Variants in FSCN2 observed in about 807,000 individuals in gnomAD.
FSCN2 encodes the protein fascin-2.
A neutral mutation model predicts 37.8 loss-of-function variants in FSCN2; 46 were observed. The observed-to-expected ratio is 1.22, with a 90% confidence interval of 0.96 to 1.56. The LOEUF (loss-of-function observed/expected upper bound fraction) is 1.56, where lower values mean the gene tolerates loss of function less well. Ranked by LOEUF, FSCN2 falls within the 40% of genes most tolerant of loss-of-function variation. FSCN2 has a pLI of 0.00. For synonymous variants in FSCN2, 351 were observed against 309.4 expected (o/e 1.13, Z -1.41); for missense variants, 844 against 730.4 (o/e 1.16, Z -1.79).
At chr17:81,536,008 T>C in intron 2 of FSCN2, 138 bp from the exon 3 acceptor site, 2 of 1,048,020 alleles carry the variant, frequency 1.9e-6, no homozygotes, top group Admixed American at 4.6e-5. Context: ...TGGGGCAGGG[T>C]AGCGCCTGAT....
At chr17:81,516,009 TA>T in the FSCN2 span, among the ~76,000 whole-genome samples, 1 of 152,262 alleles carries the variant, frequency 6.6e-6, no homozygotes, top group South Asian at 2.1e-4. Flanking sequence ...CATGCCTGGC[TA>T]ATTTTTGCAT....
intron 1 of FSCN2, among the ~76,000 whole-genome samples, chr17:81,531,227 AATGGTGATGGTGGTGATGATGGTG>A (rs1568076878): frequency 2.5e-4 from 12 of 47,660 alleles, no homozygotes; most frequent in Non-Finnish European, 4.1e-4. Flanking sequence ...TGATGGTGAT[AATGGTGATGGTGGTGATGATGGTG>A]ATGGTGATGA....
chr17:81,533,346 G>A (rs2032757909), intron 1 of FSCN2, among the ~76,000 whole-genome samples: 1 of 152,200 alleles, frequency 6.6e-6, no homozygotes, highest in South Asian at 2.1e-4. Flanking sequence ...CAGTGACACT[G>A]ATCATCTCCT....
the FSCN2 span, among the ~76,000 whole-genome samples, chr17:81,518,053 G>A: frequency 3.9e-5 from 6 of 152,204 alleles, no homozygotes; most frequent in East Asian, 1.9e-4. Flanking sequence ...TCAAATCCCC[G>A]CTGCTCCCAA....
chr17:81,527,176 C>T (rs571370428), upstream of FSCN2: 2 of 152,744 alleles, frequency 1.3e-5, no homozygotes, highest in Admixed American at 1.3e-4. Context: ...AGCCCAGGCC[C>T]CTTGCTTTTG....
At chr17:81,531,273 GCGGTGGTGATGGTGA>G (rs1568076981) in intron 1 of FSCN2, among the ~76,000 whole-genome samples, 477 of 27,264 alleles carry the variant, frequency 0.017, 6 homozygotes, top group Admixed American at 0.032. Flanking sequence ...GGTGGTGATG[GCGGTGGTGATGGTGA>G]TGGTGGTGAT....
chr17:81,528,069 G>A (rs1258835578), upstream of FSCN2, among the ~76,000 whole-genome samples: 1 of 152,142 alleles, frequency 6.6e-6, no homozygotes, highest in African/African-American at 2.4e-5. Context: ...GGCTGGGCCG[G>A]GCCGGGCCGG....
At chr17:81,519,329 C>G in the FSCN2 span, among the ~76,000 whole-genome samples, 9 of 152,152 alleles carry the variant, frequency 5.9e-5, no homozygotes, top group Admixed American at 4.6e-4. Flanking sequence ...CCCCGGGACG[C>G]GGCACCGGGG....
chr17:81,535,791 C>G (rs956225248), intron 2 of FSCN2, among the ~76,000 whole-genome samples: 2 of 91,380 alleles, frequency 2.2e-5, no homozygotes, highest in Non-Finnish European at 4.6e-5. Context: ...CATCCTCATC[C>G]CCATCTCCAC....
chr17:81,535,737 C>T (rs142586527), intron 2 of FSCN2, among the ~76,000 whole-genome samples: 85 of 93,726 alleles, frequency 9.1e-4, no homozygotes, highest in Non-Finnish European at 1.5e-3. Context: ...CATTTACATC[C>T]CCATCCCCAT....
chr17:81,529,491 T>A lies in FSCN2; in HGVS notation c.826+134T>A, dbSNP rs549005333. On this transcript the variant is annotated intron_variant, in intron 1 of 4. Transcript: ENST00000417245. Reference sequence around the variant, plus strand: ...ATGTCTGTTCTGGGCTGGGGGTCCATGTGGGACATGTGTGGCCACTCAGGG... The same window carrying A: ...ATGTCTGTTCTGGGCTGGGGGTCCAAGTGGGACATGTGTGGCCACTCAGGG... 90 of 845,784 alleles carry A rather than the reference T, an allele frequency of 1.1e-4. 1 individual carries two copies. In the South Asian group the frequency reaches 1.2e-3, roughly 12 times the overall value. The allele number at this position is 845,784 out of a possible 1,614,324, so 52.4% of individuals were successfully genotyped here. A position where few individuals can be genotyped will look rare whatever the true frequency, so the allele number is the denominator to read the frequency against.
intron 1 of FSCN2, among the ~76,000 whole-genome samples, chr17:81,532,521 G>GTGACGATGGTGA (rs2032721807): frequency 7.6e-6 from 1 of 132,402 alleles, no homozygotes; most frequent in Non-Finnish European, 1.6e-5. Context: ...GGTGACGATG[G>GTGACGATGGTGA]TGATGATGAT....
chr17:81,525,898 C>T (rs1220252728), upstream of FSCN2, among the ~76,000 whole-genome samples: 3 of 152,126 alleles, frequency 2.0e-5, no homozygotes, highest in East Asian at 1.9e-4. Context: ...GGCTGGAATC[C>T]CTGTAAACGG....
At position 81,537,023 on chromosome 17, in the gene FSCN2, G is replaced by C. The variant is rs1315184895; in HGVS notation, c.1422G>C (p.Ser474=). ...RSGKYLRGGA[S]GLLRADADAP... is the part of the protein sequence containing the mutation. ...GCAAGTACCTGCGCGGCGGCGCCTC[G>C]GGCCTGCTGCGGGCCGATGCCGACG... Residue 474 remains serine, a synonymous_variant, in exon 5 of 5, where the codon TCG becomes TCC. Coordinates refer to ENST00000417245, the MANE Select transcript of FSCN2 (RefSeq NM_012418.4). 8.7e-6 allele frequency: 13 copies of C among 1,496,834 alleles called. No homozygotes were observed. Among genetic ancestry groups the C allele is most frequent in the Non-Finnish European group, 1.2e-5 (13 of 1,130,084 alleles). The allele number at this position is 1,496,834 out of a possible 1,614,324, so 92.7% of individuals were successfully genotyped here. A position where few individuals can be genotyped will look rare whatever the true frequency, so the allele number is the denominator to read the frequency against.
chr17:81,531,116 C>T (rs782676734), intron 1 of FSCN2, among the ~76,000 whole-genome samples: 25 of 148,856 alleles, frequency 1.7e-4, no homozygotes, highest in African/African-American at 3.7e-4. Flanking sequence ...GAGGTGAGGA[C>T]GGTGGTGACA....
chr17:81,531,726 G>GTGATGGTGATGATGGTGATGGTGA (rs2032625266), intron 1 of FSCN2, among the ~76,000 whole-genome samples: 1 of 109,204 alleles, frequency 9.2e-6, no homozygotes, highest in East Asian at 3.7e-4. Flanking sequence ...GGTGGTGATG[G>GTGATGGTGATGATGGTGATGGTGA]TGATGGTGAT....
At chr17:81,519,430 C>T in the FSCN2 span, among the ~76,000 whole-genome samples, 172 of 152,302 alleles carry the variant, frequency 1.1e-3, no homozygotes, top group Middle Eastern at 0.021. Context: ...ACCACGAGCT[C>T]GGAGGCCTGG....
the FSCN2 span, among the ~76,000 whole-genome samples, chr17:81,521,150 C>G: frequency 6.6e-6 from 1 of 152,174 alleles, no homozygotes; most frequent in Non-Finnish European, 1.5e-5. Flanking sequence ...CCACCGCAAC[C>G]TCTCCCTCCC....
chr17:81,520,562 G>C, the FSCN2 span, among the ~76,000 whole-genome samples: 6 of 152,242 alleles, frequency 3.9e-5, no homozygotes, highest in Non-Finnish European at 1.5e-5. Context: ...TTTGCGTATC[G>C]GCAAGTGCCT....
Sources: allele counts gnomAD v4.1 joint callset (sites outside exome capture counted in the v4.1 genomes callset), GRCh38; gene constraint gnomAD v4.1.1; transcripts MANE v1.5; gene names NCBI Gene and HGNC (gene_info 2026-07-23, HGNC 2026-07-21).